SZT2: variants seen among roughly 807,000 people sequenced by gnomAD.
SZT2 encodes SZT2 subunit of KICSTOR complex, also known as KICSTOR complex protein SZT2.
In SZT2, 216 loss-of-function variants were observed where a neutral mutation model predicts 404.2. The ratio of observed to expected loss-of-function variants is 0.53; its 90% CI spans 0.48 to 0.60. The LOEUF (loss-of-function observed/expected upper bound fraction) is 0.60. SZT2 is among the 20% of genes least tolerant of loss of function. SZT2 has a pLI of 0.00. For synonymous variants in SZT2, 1,693 were observed against 1,749.9 expected (o/e 0.97, Z 0.81); for missense variants, 3,857 against 4,459.2 (o/e 0.86, Z 3.85).
In SZT2 at chr1:43,443,437, T is replaced by C; in HGVS notation, c.8585T>C (p.Leu2862Pro). 2 of 1,614,218 alleles carry C rather than the reference T, an allele frequency of 1.2e-6. No homozygotes were observed. The highest frequency in any genetic ancestry group is 1.7e-6 in the Non-Finnish European group (2 of 1,180,028). Residue 2862 changes from leucine (L) to proline (P), a missense_variant, in exon 61 of 72, where the codon CTG (leucine) becomes CCG (proline). Leu to Pro is a moderately conservative substitution (Grantham distance 98, BLOSUM62 -3). Coordinates refer to ENST00000634258, the MANE Select transcript of SZT2 (RefSeq NM_001365999.1). ...TAMLFDPAAWLHGPPETSGPP... is the reference protein window; with the variant it reads ...TAMLFDPAAWPHGPPETSGPP... ...ATGCTCTTCGACCCAGCTGCCTGGC[T>C]GCATGGGCCCCCAGAGACCTCTGGA...
At position 43,389,900 on chromosome 1, in the gene SZT2, A is replaced by G; in HGVS notation, c.-69A>G. ...AACTTCCGGTTCCTGCTGGGTGCCG[A>G]GGTAGCGAGGTCAGGGGTCAAGAGT... is the stretch of plus-strand genomic sequence containing the variant. On this transcript the variant is annotated 5_prime_UTR_variant, in exon 1 of 72. Transcript: ENST00000634258. 1 of 1,570,022 alleles carries G rather than the reference A, an allele frequency of 6.4e-7. No individual in the cohort carries two copies. Among genetic ancestry groups the G allele is most frequent in the South Asian group, 1.2e-5 (1 of 85,768 alleles).
At position 43,425,556 on chromosome 1, in the gene SZT2, G is replaced by A. The variant is rs772851543; in HGVS notation, c.2728G>A (p.Val910Met). ...SELNLVTEVWVEPQYGRVGPG... is the reference protein window; with the variant it reads ...SELNLVTEVWMEPQYGRVGPG... ...GCTCAATCTGGTCACTGAGGTGTGG[G>A]TGGAGCCACAGTATGGGCGAGTGGG... is the stretch of plus-strand genomic sequence containing the variant. Residue 910 changes from valine (V) to methionine (M), a missense_variant, in exon 19 of 72, where the codon GTG becomes ATG. Physicochemically the swap from Val to Met is conservative, Grantham distance 21. Coordinates refer to ENST00000634258, the MANE Select transcript of SZT2 (RefSeq NM_001365999.1). This position sits in a 1 kb window ranked among gnomAD's most constrained non-coding sequence, Gnocchi z 4.3. 5 of 1,614,222 alleles carry A rather than the reference G, an allele frequency of 3.1e-6. No homozygotes were observed. The highest frequency in any genetic ancestry group is 3.4e-6 in the Non-Finnish European group (4 of 1,180,050).
intron 4 of SZT2, among the ~76,000 whole-genome samples, chr1:43,411,080 A>T (rs1650981594): frequency 2.0e-5 from 3 of 152,228 alleles, no homozygotes; most frequent in Admixed American, 1.3e-4. Context: ...TCAAAGGCAC[A>T]TGTGGAAATC....
At chr1:43,423,426 G>T (rs1652674671) in intron 15 of SZT2, 110 bp downstream of exon 15, 1 of 1,107,934 alleles carries the variant, frequency 9.0e-7, no homozygotes, top group Non-Finnish European at 1.2e-6. Flanking sequence ...GGAGTGCGTG[G>T]CTTAGTGGGG....
Position 43,431,807 on chromosome 1 carries a change from T to G in SZT2, c.5180T>G (p.Ile1727Ser), listed in dbSNP as rs766793360. 1 of 1,614,200 alleles carries G rather than the reference T, an allele frequency of 6.2e-7. No individual in the cohort carries two copies. Among genetic ancestry groups the G allele is most frequent in the South Asian group, 1.1e-5 (1 of 91,086 alleles). The change falls in exon 36 of 72, where the codon ATC becomes AGC. Residue 1727 changes from isoleucine to serine, a missense_variant. Ile to Ser is a moderately radical substitution (Grantham distance 142). Coordinates refer to ENST00000634258, the MANE Select transcript of SZT2 (RefSeq NM_001365999.1). Reference protein sequence around the residue: ...SPALHRAAAHIHSSPGRSTCL... With the variant: ...SPALHRAAAHSHSSPGRSTCL... ...GCCCTGCACCGCGCAGCTGCCCATA[T>G]CCATAGTTCTCCTGGACGCTCCACC...
Position 43,433,120 on chromosome 1 carries a change from C to T in SZT2, c.5734C>T (p.Pro1912Ser), listed in dbSNP as rs200870341. 1.9e-6 allele frequency: 3 copies of T among 1,614,180 alleles called. No homozygotes were observed. The highest frequency in any genetic ancestry group is 1.7e-5 in the Admixed American group (1 of 60,028). Reference sequence around the variant, plus strand: ...GCCTTCACTCTCAGGCCTCCCTGGGCCCTGCCTGCCTGACTTCTGGCTCAT... The same window carrying T: ...GCCTTCACTCTCAGGCCTCCCTGGGTCCTGCCTGCCTGACTTCTGGCTCAT... ...PQPSLSGLPG[P>S]CLPDFWLIVR... The change falls in exon 40 of 72, where the codon CCC becomes TCC. Residue 1912 changes from proline to serine, a missense_variant. Transcript: ENST00000634258.
chr1:43,394,421 A>T (rs945515197), intron 1 of SZT2, among the ~76,000 whole-genome samples: 48 of 152,044 alleles, frequency 3.2e-4, no homozygotes, highest in South Asian at 1.2e-3. Context: ...GGTGCCTGGG[A>T]CTCAACGCTG....
rs775843892 is a variant in SZT2 at position 43,439,973 on chromosome 1, C to T, written c.7135C>T (p.Arg2379Cys). The T allele has an allele frequency of 1.8e-5, 29 of 1,614,052 alleles. No individual in the cohort carries two copies. The highest frequency in any genetic ancestry group is 1.2e-4 in the Admixed American group (7 of 59,996). Residue 2379 changes from arginine to cysteine, a missense_variant, in exon 51 of 72, where the codon CGC becomes TGC. By Grantham distance (180) the Arg-to-Cys change is radical. This residue lies in a region of SZT2 where 573 missense variants were observed against 592.4 expected (regional missense o/e 0.97). Coordinates refer to ENST00000634258, the MANE Select transcript of SZT2 (RefSeq NM_001365999.1). This position sits in a 1 kb window ranked among gnomAD's most constrained non-coding sequence, Gnocchi z 4.2. ...QLEEKLRGAA[R>C]QALADAIIEL... is the part of the protein sequence containing the mutation. The stretch of plus-strand genomic sequence containing the variant: ...GGAGGAGAAACTCCGAGGAGCAGCT[C>T]GCCAGGCCCTGGCCGATGCCATCAT...
rs1272602959 is a variant in SZT2 at position 43,450,914 on chromosome 1, C to G, written c.*434C>G. The G allele has an allele frequency of 2.7e-6, 2 of 747,594 alleles. No individual in the cohort carries two copies. The highest frequency in any genetic ancestry group is 2.7e-5 in the South Asian group (2 of 73,626). The allele number at this position is 747,594 out of a possible 1,614,324, so 46.3% of individuals were successfully genotyped here. The stretch of plus-strand genomic sequence containing the variant: ...TTCCCACTTGGACATCACTGCTGGA[C>G]ATTCCCATCGAGATGACACCTGGGT... On this transcript the variant is annotated 3_prime_UTR_variant, in exon 72 of 72. Transcript: ENST00000634258. The surrounding 1 kb of genome is among the most constrained non-coding windows in gnomAD (Gnocchi z 4.3).
chr1:43,451,146 C>A lies in SZT2; in HGVS notation c.*666C>A, dbSNP rs772523790. On this transcript the variant is annotated 3_prime_UTR_variant, in exon 72 of 72. Transcript: ENST00000634258. ...GTGTCCCACCACCCCATTACAGAGA[C>A]ATATGACAATGTTCAGCAGGTCATC... 2 of 1,187,742 alleles carry A rather than the reference C, an allele frequency of 1.7e-6. No homozygotes were observed. The highest frequency in any genetic ancestry group is 2.4e-5 in the South Asian group (2 of 82,626). 73.6% of individuals were successfully genotyped at this position (1,187,742 alleles called of 1,614,324 possible).
chr1:43,430,286 C>T, intron 30 of SZT2, 25 bp from the exon 31 acceptor site: 1 of 1,612,974 alleles, frequency 6.2e-7, no homozygotes, highest in Non-Finnish European at 8.5e-7. Flanking sequence ...CTTGCCTCAT[C>T]ATCTTGCTTC....
rs1438773569 is a variant in SZT2 at position 43,442,607 on chromosome 1, C to T, written c.8140C>T (p.Arg2714Ter). ...TTATGGCCAGTTGGACTTCCCCGTGCGAGATGAAAAGGTGCCTGCTGCTCT... is the reference window on the plus strand; with the variant it reads ...TTATGGCCAGTTGGACTTCCCCGTGTGAGATGAAAAGGTGCCTGCTGCTCT... ...HHYGQLDFPV[R>*]DEKEPNPFLL... The change falls in exon 58 of 72, where the codon CGA (arginine) becomes TGA (stop). Residue 2714 changes from arginine (R) to a stop codon, truncating the protein, a stop_gained. Coordinates refer to ENST00000634258, the MANE Select transcript of SZT2 (RefSeq NM_001365999.1). LOFTEE classifies it high-confidence loss of function. This position sits in a 1 kb window ranked among gnomAD's most constrained non-coding sequence, Gnocchi z 4.5. The T allele has an allele frequency of 2.5e-6, 4 of 1,602,398 alleles. No homozygotes were observed. The highest frequency in any genetic ancestry group is 3.4e-6 in the Non-Finnish European group (4 of 1,172,588).
At chr1:43,411,185 G>C (rs1447945258) in intron 4 of SZT2, among the ~76,000 whole-genome samples, 1 of 152,216 alleles carries the variant, frequency 6.6e-6, no homozygotes, top group Non-Finnish European at 1.5e-5. Flanking sequence ...CAACCCAAAA[G>C]TAGAGGATCT....
At chr1:43,436,672 T>C (rs1437963516) in intron 42 of SZT2, 1 of 159,194 alleles carries the variant, frequency 6.3e-6, no homozygotes, top group Non-Finnish European at 1.4e-5. Context: ...ACTGTGGCCA[T>C]GGGCTCCTGT....
intron 1 of SZT2, among the ~76,000 whole-genome samples, chr1:43,396,445 A>G (rs1649001328): frequency 1.3e-5 from 2 of 152,212 alleles, no homozygotes; most frequent in Admixed American, 6.5e-5. Context: ...GATATTATCA[A>G]AAAGACAGAT....
At chr1:43,432,941 G>T (rs761421031) in intron 39 of SZT2, 48 bp from the exon 40 acceptor site, 1 of 1,608,116 alleles carries the variant, frequency 6.2e-7, no homozygotes, top group South Asian at 1.1e-5. Context: ...GATCAGATGA[G>T]TCAGGCCCAG....
In SZT2 at chr1:43,440,557, G is replaced by C. The variant is rs1484405919; in HGVS notation, c.7315G>C (p.Ala2439Pro). The C allele has an allele frequency of 1.2e-6, 2 of 1,606,502 alleles. No individual in the cohort carries two copies. The highest frequency in any genetic ancestry group is 2.3e-5 in the East Asian group (1 of 44,006). ...GGAGCCTGTGACTCCACCCAGCAAA[G>C]CGGGCCGGCGTAGCTTCTGGGATAT... is the stretch of plus-strand genomic sequence containing the variant. ...PGEPVTPPSKAGRRSFWDMLS... is the reference protein window; with the variant it reads ...PGEPVTPPSKPGRRSFWDMLS... Residue 2439 changes from alanine (A) to proline (P), a missense_variant, in exon 52 of 72, where the codon GCG becomes CCG. Around this residue, in one of 7 missense-constraint regions of SZT2, gnomAD observed 573 missense variants for 592.4 expected, o/e 0.97. Transcript: ENST00000634258.
At position 43,426,665 on chromosome 1, in the gene SZT2, G is replaced by A. The variant is rs182782910; in HGVS notation, c.3215-50G>A. 276 of 1,536,786 alleles carry A rather than the reference G, an allele frequency of 1.8e-4. No individual in the cohort carries two copies. The East Asian group carries it at 4.9e-3, about 27-fold the overall frequency. On this transcript the variant is annotated intron_variant, in intron 22 of 71. Transcript: ENST00000634258. This position sits in a 1 kb window ranked among gnomAD's most constrained non-coding sequence, Gnocchi z 4.9. Reference sequence around the variant, plus strand: ...CCCCCTTTCTTCAACCCAGAGTCCCGCCTCTCTGCTGGCCCTGCCCTCTTT... The same window carrying A: ...CCCCCTTTCTTCAACCCAGAGTCCCACCTCTCTGCTGGCCCTGCCCTCTTT...
intron 6 of SZT2, 129 bp downstream of exon 6, chr1:43,416,230 C>A: frequency 7.9e-7 from 1 of 1,259,294 alleles, no homozygotes; most frequent in Non-Finnish European, 1.1e-6. Flanking sequence ...TCCTTGTTTG[C>A]AAAATGTAAG....
Sources: gnomAD v4.1 joint callset for allele counts (sites outside exome capture counted in the v4.1 genomes callset) on GRCh38, gnomAD v4.1.1 for gene constraint, gnomAD v4.1.1 regional missense constraint, Gnocchi (gnomAD v3.1) non-coding constraint, MANE v1.5 for transcripts, NCBI Gene and HGNC (gene_info 2026-07-23, HGNC 2026-07-21) for gene names.